SORBS2: variants seen among roughly 807,000 people sequenced by gnomAD.
SORBS2 encodes the protein sorbin and SH3 domain containing 2.
SORBS2 carries 46 observed loss-of-function variants against 97.7 expected under a neutral mutation model. The ratio of observed to expected loss-of-function variants is 0.47; its 90% CI spans 0.37 to 0.60. The LOEUF is 0.60. SORBS2 is among the 20% of genes least tolerant of loss of function. The probability of loss-of-function intolerance (pLI) is 0.00; values close to 1 mark genes in which losing one functional copy is unlikely to be tolerated. For synonymous variants in SORBS2, 476 were observed against 473.4 expected (o/e 1.01, Z -0.07); for missense variants, 1,316 against 1,282.3 (o/e 1.03, Z -0.40).
chr4:185,923,110 G>C (rs534651228), intron 1 of SORBS2, among the ~76,000 whole-genome samples: 2 of 152,128 alleles, frequency 1.3e-5, no homozygotes, highest in Admixed American at 6.6e-5. Context: ...TAATCTGTAT[G>C]GGGGGAGCCC....
chr4:185,880,919 C>T (rs1232046186), intron 1 of SORBS2, among the ~76,000 whole-genome samples: 9 of 151,680 alleles, frequency 5.9e-5, no homozygotes, highest in Admixed American at 5.9e-4. Flanking sequence ...GGCATGGTAG[C>T]TATGTAGACA....
chr4:185,725,345 G>A (rs888116017), intron 2 of SORBS2, among the ~76,000 whole-genome samples: 1 of 152,172 alleles, frequency 6.6e-6, no homozygotes, highest in Non-Finnish European at 1.5e-5. Context: ...GTGTTCAAAG[G>A]AGAAGCGGCA....
chr4:185,817,330 C>T (rs141570556), intron 1 of SORBS2, among the ~76,000 whole-genome samples: 1 of 152,104 alleles, frequency 6.6e-6, no homozygotes, highest in African/African-American at 2.4e-5. Context: ...TTTTATTAAA[C>T]CTGCAGTGGG....
At chr4:185,896,118 T>C (rs1332401536) in intron 1 of SORBS2, among the ~76,000 whole-genome samples, 1 of 152,192 alleles carries the variant, frequency 6.6e-6, no homozygotes, top group Non-Finnish European at 1.5e-5. Context: ...AACTTGTATA[T>C]AACAAATACT....
At chr4:185,638,770 G>T in intron 4 of SORBS2, 107 bp downstream of exon 14, 1 of 1,085,526 alleles carries the variant, frequency 9.2e-7, no homozygotes, top group Non-Finnish European at 1.3e-6. Flanking sequence ...GCCTGGATGG[G>T]TGCGAGCGGG....
At chr4:185,627,061 G>C (rs2096827270) in intron 5 of SORBS2, 42 bp from the exon 18 acceptor site, 1 of 1,590,252 alleles carries the variant, frequency 6.3e-7, no homozygotes, top group African/African-American at 1.3e-5. Context: ...CACTGGAGGA[G>C]GTTCGGGTGT....
At chr4:185,808,376 G>A (rs904450) in intron 1 of SORBS2, among the ~76,000 whole-genome samples, 83,149 of 151,948 alleles carry the variant, frequency 0.55, 22,794 homozygotes, top group East Asian at 0.66. Context: ...TTTCAACACA[G>A]ATATCTTAAA....
rs1287008662 is a variant in SORBS2, at chr4:185,620,159, A to T, written c.2216-8T>A. Reference sequence around the variant, plus strand: ...TTCTAGGGGACTCACGGTCTATTGGAAAGAACAGGGCCAGTCATGGTGAGT... The same window carrying T: ...TTCTAGGGGACTCACGGTCTATTGGTAAGAACAGGGCCAGTCATGGTGAGT... On this transcript the variant is annotated splice_region_variant and splice_polypyrimidine_tract_variant and intron_variant, in intron 7 of 14. Transcript: ENST00000418609. 1 of 1,569,612 alleles carries T rather than the reference A, an allele frequency of 6.4e-7. No homozygotes were observed. Among genetic ancestry groups the T allele is most frequent in the Non-Finnish European group, 8.8e-7 (1 of 1,139,088 alleles).
intron 1 of SORBS2, among the ~76,000 whole-genome samples, chr4:185,898,080 G>A (rs962531585): frequency 6.6e-6 from 1 of 152,102 alleles, no homozygotes; most frequent in African/African-American, 2.4e-5. Flanking sequence ...CCACAGCAGG[G>A]GCTAACATTC....
chr4:185,627,893 G>T (rs1209576556), intron 5 of SORBS2, among the ~76,000 whole-genome samples: 2 of 149,428 alleles, frequency 1.3e-5, no homozygotes, highest in Non-Finnish European at 3.0e-5. Context: ...GGCCTCCACA[G>T]TTTCGCCTTT....
At chr4:185,829,350 A>G (rs1336862321) in intron 1 of SORBS2, among the ~76,000 whole-genome samples, 2 of 152,240 alleles carry the variant, frequency 1.3e-5, no homozygotes, top group Non-Finnish European at 2.9e-5. Context: ...GAACAGTAGC[A>G]TAGTATCTAT....
At chr4:185,660,966 A>C (rs142027375), upstream of SORBS2, among the ~76,000 whole-genome samples, 1 of 152,040 alleles carries the variant, frequency 6.6e-6, no homozygotes. Context: ...TTTAAGTTAC[A>C]TTTTTACAAA....
Position 185,863,758 on chromosome 4 carries a change from G to C in SORBS2, c.-337-88392C>G, listed in dbSNP as rs533566572. On this transcript the variant is annotated intron_variant, in intron 1 of 20. Coordinates refer to the SORBS2 transcript ENST00000284776. Reference sequence around the variant, plus strand: ...GTCACCTCCAAAGTGTGAAAAATCAGCTTGTCCATTTTTACATTTTTATTA... The same window carrying C: ...GTCACCTCCAAAGTGTGAAAAATCACCTTGTCCATTTTTACATTTTTATTA... 8.5e-5 allele frequency among the ~76,000 whole-genome samples: 13 copies of C among 152,218 alleles called. No homozygotes were observed. In the South Asian group the frequency reaches 2.5e-3, roughly 29 times the overall value.
chr4:185,615,266 T>TA (rs1416626264), intron 9 of SORBS2, 107 bp from the exon 22 acceptor site: 4 of 700,464 alleles, frequency 5.7e-6, no homozygotes, highest in East Asian at 2.6e-5. Flanking sequence ...CTTACAATAT[T>TA]AAAAAATCCA....
chr4:185,712,352 C>T (rs1009429358), intron 2 of SORBS2, among the ~76,000 whole-genome samples: 9 of 152,178 alleles, frequency 5.9e-5, no homozygotes, highest in African/African-American at 9.7e-5. Context: ...TACCTACCTG[C>T]CCATCCCCTG....
chr4:185,937,583 C>T (rs1204163440), intron 1 of SORBS2, among the ~76,000 whole-genome samples: 2 of 152,204 alleles, frequency 1.3e-5, no homozygotes, highest in Admixed American at 6.5e-5. Flanking sequence ...TGTCCTCCTG[C>T]CCCAAAGTGA....
At chr4:185,938,827 CT>C (rs956941811) in intron 1 of SORBS2, among the ~76,000 whole-genome samples, 39 of 152,304 alleles carry the variant, frequency 2.6e-4, no homozygotes, top group African/African-American at 8.9e-4. Context: ...TATTCTCCCC[CT>C]GTACACATGC....
chr4:185,903,371 T>C (rs1222395082), intron 1 of SORBS2, among the ~76,000 whole-genome samples: 1 of 152,182 alleles, frequency 6.6e-6, no homozygotes. Flanking sequence ...GTTCTATTAT[T>C]ACCAATATCA....
chr4:185,955,954 C>T, intron 1 of SORBS2, among the ~76,000 whole-genome samples: 1 of 151,946 alleles, frequency 6.6e-6, no homozygotes, highest in Non-Finnish European at 1.5e-5. Flanking sequence ...GCAACAATAG[C>T]AAGAGTAACA....
Sources: allele counts gnomAD v4.1 joint callset (sites outside exome capture counted in the v4.1 genomes callset), GRCh38; gene constraint gnomAD v4.1.1; transcripts MANE v1.5; gene names NCBI Gene and HGNC (gene_info 2026-07-23, HGNC 2026-07-21).